PRDM16: variants seen among roughly 807,000 people sequenced by gnomAD.
The protein encoded by PRDM16 is PR/SET domain 16, also known as histone-lysine N-methyltransferase PRDM16.
A neutral mutation model predicts 110.6 loss-of-function variants in PRDM16; 23 were observed. The observed-to-expected ratio is 0.21, with a 90% confidence interval of 0.15 to 0.29. The LOEUF is 0.29. Ranked by LOEUF, PRDM16 falls within the 10% of genes least tolerant of loss-of-function variation. The pLI is 1.00. For missense variants in PRDM16, 1,615 were observed against 1,794.3 expected, an observed-to-expected ratio of 0.90 and a Z score of 1.81; for synonymous variants, 799 against 781.8, an observed-to-expected ratio of 1.02 and a Z score of -0.37.
At chr1:3,326,000 C>T (rs11576578) in intron 3 of PRDM16, among the ~76,000 whole-genome samples, 6,399 of 126,700 alleles carry the variant, frequency 0.051, 289 homozygotes, top group Middle Eastern at 0.12. Flanking sequence ...TCCTTGGCCC[C>T]CCTTGGCCAT....
At chr1:3,287,931 C>T (rs2134119) in intron 3 of PRDM16, among the ~76,000 whole-genome samples, 2 of 152,118 alleles carry the variant, frequency 1.3e-5, no homozygotes, top group African/African-American at 2.4e-5. Context: ...TTTCTCACCC[C>T]GGCTGGGGCA....
At chr1:3,357,557 T>TCAGAACAGG (rs1642632421) in intron 3 of PRDM16, among the ~76,000 whole-genome samples, 1 of 139,092 alleles carries the variant, frequency 7.2e-6, no homozygotes, top group African/African-American at 3.4e-5. Flanking sequence ...GGAAGCGCCG[T>TCAGAACAGG]TCCCCCCACG....
intron 1 of PRDM16, among the ~76,000 whole-genome samples, chr1:3,134,849 A>G (rs1216861785): frequency 6.6e-6 from 1 of 152,182 alleles, no homozygotes; most frequent in African/African-American, 2.4e-5. Context: ...GGGCCTGACC[A>G]CCCGAACCCG....
intron 3 of PRDM16, among the ~76,000 whole-genome samples, chr1:3,283,430 T>C (rs1640760417): frequency 6.6e-6 from 1 of 152,090 alleles, no homozygotes; most frequent in Non-Finnish European, 1.5e-5. Flanking sequence ...GTGGGCTCCA[T>C]GGCATAGGAC....
At chr1:3,169,892 G>A (rs1476905916) in intron 1 of PRDM16, among the ~76,000 whole-genome samples, 2 of 152,228 alleles carry the variant, frequency 1.3e-5, no homozygotes, top group Admixed American at 6.5e-5. Context: ...AATAGCGGGG[G>A]GACTGTCGTT....
intron 3 of PRDM16, among the ~76,000 whole-genome samples, chr1:3,287,565 C>T (rs1345719273): frequency 2.9e-4 from 12 of 41,110 alleles, no homozygotes; most frequent in African/African-American, 5.4e-4. Context: ...CCCTGCCACG[C>T]GGGCATCCAG....
intron 1 of PRDM16, among the ~76,000 whole-genome samples, chr1:3,150,234 C>T (rs1643750216): frequency 6.6e-6 from 1 of 152,194 alleles, no homozygotes; most frequent in Non-Finnish European, 1.5e-5. Flanking sequence ...AGCTGTGGGT[C>T]TGACACTTGG....
chr1:3,409,902 GGTT>G (rs1475398953), intron 8 of PRDM16, among the ~76,000 whole-genome samples: 8 of 133,582 alleles, frequency 6.0e-5, no homozygotes, highest in Admixed American at 2.3e-4. Context: ...TGTGTGGTGT[GGTT>G]GTGGGTGTGG....
chr1:3,117,997 TGTGTGC>T (rs766849631), intron 1 of PRDM16, among the ~76,000 whole-genome samples: 3 of 151,722 alleles, frequency 2.0e-5, no homozygotes, highest in African/African-American at 7.3e-5. Flanking sequence ...CATGCACGCG[TGTGTGC>T]GTGTGCGTGT....
chr1:3,378,413 A>G (rs1332398054), intron 3 of PRDM16, among the ~76,000 whole-genome samples: 1 of 152,060 alleles, frequency 6.6e-6, no homozygotes, highest in Non-Finnish European at 1.5e-5. Context: ...AGGACGTGAA[A>G]TCTTGTGGCT....
intron 1 of PRDM16, among the ~76,000 whole-genome samples, chr1:3,181,664 ACAGTCTTACACGCG>A (rs1294348204): frequency 9.7e-5 from 11 of 113,848 alleles, no homozygotes; most frequent in East Asian, 3.9e-4. Flanking sequence ...ACGGTCTTAC[ACAGTCTTACACGCG>A]CAGTCTTACA....
chr1:3,221,407 A>G (rs1217476514), intron 2 of PRDM16, among the ~76,000 whole-genome samples: 1 of 152,212 alleles, frequency 6.6e-6, no homozygotes, highest in East Asian at 1.9e-4. Context: ...AAGATGCAAA[A>G]GCTGCTTGGA....
intron 1 of PRDM16, among the ~76,000 whole-genome samples, chr1:3,170,674 G>C (rs1254870922): frequency 6.6e-6 from 1 of 152,172 alleles, no homozygotes; most frequent in Non-Finnish European, 1.5e-5. Flanking sequence ...GCCCGCCTCT[G>C]TGCCCAGAGG....
chr1:3,157,227 G>A lies in PRDM16; in HGVS notation c.38-28898G>A, dbSNP rs1232648177. Among the ~76,000 whole-genome samples, 1 of 152,210 alleles carries A rather than the reference G, an allele frequency of 6.6e-6. No homozygotes were observed. The highest frequency in any genetic ancestry group is 2.4e-5 in the African/African-American group (1 of 41,462). On this transcript the variant is annotated intron_variant, in intron 1 of 16. Transcript: ENST00000270722. The surrounding 1 kb of genome is among the most constrained non-coding windows in gnomAD (Gnocchi z 4.8). ...CGGCGCAAGAGCTCAGGCCCTCAGG[G>A]AGCGTGGCCAGATCCGGCAGATGAA...
chr1:3,427,584 G>A (rs1638646187), intron 14 of PRDM16, among the ~76,000 whole-genome samples: 1 of 152,160 alleles, frequency 6.6e-6, no homozygotes. Context: ...GAGAGTGGGG[G>A]TACCTGGGAA....
chr1:3,199,052 T>C (rs1638553370), intron 2 of PRDM16, among the ~76,000 whole-genome samples: 1 of 152,120 alleles, frequency 6.6e-6, no homozygotes, highest in South Asian at 2.1e-4. Flanking sequence ...AGCGGCCTTG[T>C]TTCCCTCTAG....
chr1:3,404,658 G>C (rs1643529332), intron 6 of PRDM16, 81 bp from the exon 7 acceptor site: 50 of 1,563,824 alleles, frequency 3.2e-5, no homozygotes, highest in Non-Finnish European at 4.2e-5. Context: ...GGGGCACTGG[G>C]AACAAGCTGT....
chr1:3,267,542 C>T (rs1426105985), intron 3 of PRDM16, among the ~76,000 whole-genome samples: 3 of 152,200 alleles, frequency 2.0e-5, no homozygotes, highest in South Asian at 2.1e-4. Flanking sequence ...GTCACAATAA[C>T]GCTATGTCTC....
intron 3 of PRDM16, among the ~76,000 whole-genome samples, chr1:3,283,020 C>G (rs1640744611): frequency 6.6e-6 from 1 of 152,238 alleles, no homozygotes; most frequent in East Asian, 1.9e-4. Flanking sequence ...GCAGAAGGCT[C>G]CCTGTGAGAC....
Sources: gnomAD v4.1 joint callset for allele counts (sites outside exome capture counted in the v4.1 genomes callset) on GRCh38, gnomAD v4.1.1 for gene constraint, Gnocchi (gnomAD v3.1) non-coding constraint, MANE v1.5 for transcripts, NCBI Gene and HGNC (gene_info 2026-07-23, HGNC 2026-07-21) for gene names.